Variants in DLG2 observed in about 807,000 individuals in gnomAD.
DLG2 encodes the protein discs large MAGUK scaffold protein 2.
DLG2 carries 45 observed loss-of-function variants against 132.5 expected under a neutral mutation model. That is an observed-to-expected ratio of 0.34 (90% CI 0.27 to 0.44). The LOEUF is 0.44. Ranked by LOEUF, DLG2 falls within the 20% of genes least tolerant of loss-of-function variation. The pLI, the probability that DLG2 is intolerant of heterozygous loss-of-function variation, is 1.00. For synonymous variants in DLG2, 424 were observed against 419.6 expected (o/e 1.01, Z -0.13); for missense variants, 1,045 against 1,196.9 (o/e 0.87, Z 1.87).
chr11:84,933,328 T>C (rs895685644), intron 6 of DLG2, among the ~76,000 whole-genome samples: 3 of 152,212 alleles, frequency 2.0e-5, no homozygotes, highest in African/African-American at 7.2e-5. Flanking sequence ...TCTTTTCGCT[T>C]AGGATTTCCT....
At chr11:84,168,681 G>A (rs921763311) in intron 8 of DLG2, among the ~76,000 whole-genome samples, 2 of 152,144 alleles carry the variant, frequency 1.3e-5, no homozygotes, top group Non-Finnish European at 2.9e-5. Context: ...GGTTGCTAAT[G>A]GGGATGCCAT....
chr11:83,472,781 A>T lies in DLG2; in HGVS notation c.2294-4T>A. On this transcript the variant is annotated splice_polypyrimidine_tract_variant and splice_region_variant and intron_variant, in intron 22 of 27. Transcript: ENST00000376104. The stretch of plus-strand genomic sequence containing the variant: ...AGAATGAGGTCTTCTTGTCCTCCTG[A>T]GAAGAGAAGGAAAGAAAACCACAGT... 2 of 1,611,690 alleles carry T rather than the reference A, an allele frequency of 1.2e-6. No individual in the cohort carries two copies. The highest frequency in any genetic ancestry group is 1.7e-6 in the Non-Finnish European group (2 of 1,178,564).
At chr11:83,896,851 T>C (rs1354928539) in intron 15 of DLG2, among the ~76,000 whole-genome samples, 2 of 152,194 alleles carry the variant, frequency 1.3e-5, no homozygotes, top group Non-Finnish European at 2.9e-5. Context: ...AAATATATGA[T>C]GTGAAATTAT....
intron 3 of DLG2, among the ~76,000 whole-genome samples, chr11:85,345,366 A>C (rs959591854): frequency 6.6e-6 from 1 of 152,128 alleles, no homozygotes; most frequent in Non-Finnish European, 1.5e-5. Context: ...AGGCAAGTAC[A>C]TAGGGTGTGG....
At chr11:83,943,310 G>T (rs572932835) in intron 14 of DLG2, among the ~76,000 whole-genome samples, 4 of 152,158 alleles carry the variant, frequency 2.6e-5, no homozygotes, top group Non-Finnish European at 5.9e-5. Flanking sequence ...TGTAACTCCA[G>T]GGGAGGACTG....
At chr11:85,392,106 T>C (rs575750996) in intron 3 of DLG2, among the ~76,000 whole-genome samples, 5 of 152,010 alleles carry the variant, frequency 3.3e-5, no homozygotes, top group Admixed American at 2.0e-4. Context: ...AAAACAAAAT[T>C]AATGTAAAAA....
chr11:85,619,295 A>G (rs2081542108), intron 2 of DLG2, among the ~76,000 whole-genome samples: 1 of 152,196 alleles, frequency 6.6e-6, no homozygotes, highest in African/African-American at 2.4e-5. Flanking sequence ...CTCCAGTCTC[A>G]GCCTCCCAAG....
intron 4 of DLG2, among the ~76,000 whole-genome samples, chr11:85,195,866 C>T (rs2081029401): frequency 6.6e-6 from 1 of 152,026 alleles, no homozygotes; most frequent in African/African-American, 2.4e-5. Context: ...GAAATAGGGA[C>T]TTAACTAAAT....
intron 15 of DLG2, among the ~76,000 whole-genome samples, chr11:83,918,618 G>C (rs575467172): frequency 9.8e-5 from 15 of 152,302 alleles, no homozygotes; most frequent in African/African-American, 3.6e-4. Context: ...AATCCCAGAG[G>C]AAAAGGCTCC....
intron 6 of DLG2, among the ~76,000 whole-genome samples, chr11:84,727,969 C>T (rs965567332): frequency 5.3e-5 from 8 of 152,138 alleles, no homozygotes; most frequent in Admixed American, 3.3e-4. Context: ...GCTGAGGTTG[C>T]TTATCAGCTT....
At chr11:83,931,416 G>A (rs2080193844) in intron 14 of DLG2, among the ~76,000 whole-genome samples, 2 of 152,132 alleles carry the variant, frequency 1.3e-5, no homozygotes, top group Admixed American at 1.3e-4. Context: ...CTGCCTGGGA[G>A]GGCTGATCCA....
intron 3 of DLG2, among the ~76,000 whole-genome samples, chr11:85,413,272 A>G (rs1159916517): frequency 6.6e-6 from 1 of 151,034 alleles, no homozygotes; most frequent in Admixed American, 6.6e-5. Flanking sequence ...TCTTCTTGCT[A>G]GTTTGAGTTC....
chr11:84,181,816 C>T (rs2096136880), intron 8 of DLG2, among the ~76,000 whole-genome samples: 1 of 152,110 alleles, frequency 6.6e-6, no homozygotes. Flanking sequence ...GTAGTCAATA[C>T]TGGGAGAAGA....
chr11:83,696,069 C>T (rs1192189029), intron 18 of DLG2, among the ~76,000 whole-genome samples: 1 of 152,164 alleles, frequency 6.6e-6, no homozygotes, highest in African/African-American at 2.4e-5. Flanking sequence ...TGAACATGAT[C>T]TGATTTGCAC....
chr11:85,602,117 C>T (rs2080205590), intron 2 of DLG2, among the ~76,000 whole-genome samples: 1 of 152,198 alleles, frequency 6.6e-6, no homozygotes, highest in South Asian at 2.1e-4. Context: ...CCTCAGTCTG[C>T]TTCTCCTCCA....
At chr11:83,890,208 T>C (rs1160422585) in intron 15 of DLG2, among the ~76,000 whole-genome samples, 15 of 152,170 alleles carry the variant, frequency 9.9e-5, no homozygotes, top group Admixed American at 9.8e-4. Flanking sequence ...GTATGCCAGC[T>C]AGGATTTTAG....
At chr11:84,095,059 C>A (rs2097147214) in intron 10 of DLG2, among the ~76,000 whole-genome samples, 3 of 149,314 alleles carry the variant, frequency 2.0e-5, no homozygotes, top group African/African-American at 2.5e-5. Flanking sequence ...ATGTTATGAC[C>A]AAGAGAAAAA....
chr11:85,287,102 T>C (rs577490941), intron 3 of DLG2, among the ~76,000 whole-genome samples: 1 of 152,274 alleles, frequency 6.6e-6, no homozygotes, highest in South Asian at 2.1e-4. Flanking sequence ...GTGATGTGTA[T>C]GCTTACTATC....
chr11:84,511,841 TA>T (rs1235974546), intron 7 of DLG2, among the ~76,000 whole-genome samples: 1 of 152,128 alleles, frequency 6.6e-6, no homozygotes, highest in African/African-American at 2.4e-5. Context: ...TCTGATTCAA[TA>T]CAACTAAAAG....
Sources: gnomAD v4.1 joint callset for allele counts (sites outside exome capture counted in the v4.1 genomes callset) on GRCh38, gnomAD v4.1.1 for gene constraint, MANE v1.5 for transcripts, NCBI Gene and HGNC (gene_info 2026-07-23, HGNC 2026-07-21) for gene names.